The following MAGI2 variants were observed in gnomAD, a reference collection of about 807,000 sequenced individuals.
MAGI2 encodes the protein membrane associated guanylate kinase, WW and PDZ domain containing 2.
In MAGI2, 35 loss-of-function variants were observed where a neutral mutation model predicts 133.3. The observed-to-expected ratio is 0.26, with a 90% confidence interval of 0.20 to 0.35. The LOEUF is 0.35. Ranked by LOEUF, MAGI2 falls within the 10% of genes least tolerant of loss-of-function variation. The pLI is 1.00. For synonymous variants in MAGI2, 729 were observed against 710.6 expected (o/e 1.03, Z -0.41); for missense variants, 1,636 against 1,863.4 (o/e 0.88, Z 2.25).
chr7:78,750,216 C>G (rs1373839104), intron 2 of MAGI2, among the ~76,000 whole-genome samples: 2 of 152,092 alleles, frequency 1.3e-5, no homozygotes, highest in Admixed American at 6.5e-5. Context: ...TGAACTCACC[C>G]TTTTTTACGG....
intron 21 of MAGI2, among the ~76,000 whole-genome samples, chr7:78,036,645 G>T (rs2007536): frequency 1.6e-4 from 24 of 152,122 alleles, no homozygotes; most frequent in African/African-American, 3.6e-4. Context: ...TTAAGACAGG[G>T]TCTTGCTCCG....
At chr7:79,081,127 AG>A (rs1167836368) in intron 1 of MAGI2, among the ~76,000 whole-genome samples, 1 of 152,090 alleles carries the variant, frequency 6.6e-6, no homozygotes, top group Non-Finnish European at 1.5e-5. Flanking sequence ...AGTGTACACA[AG>A]GGCCTTCTCA....
At chr7:79,094,501 T>G (rs1335373979) in intron 1 of MAGI2, among the ~76,000 whole-genome samples, 2 of 152,240 alleles carry the variant, frequency 1.3e-5, no homozygotes, top group African/African-American at 2.4e-5. Flanking sequence ...ATTATGAATG[T>G]TGTTAATAAC....
chr7:79,038,818 T>G (rs1165805854), intron 1 of MAGI2, among the ~76,000 whole-genome samples: 1 of 152,178 alleles, frequency 6.6e-6, no homozygotes, highest in Non-Finnish European at 1.5e-5. Context: ...CTATTCATGT[T>G]GCTGTGTGTG....
chr7:78,568,884 CTCTTT>C (rs1204164272), intron 3 of MAGI2, among the ~76,000 whole-genome samples: 4 of 152,202 alleles, frequency 2.6e-5, no homozygotes, highest in African/African-American at 9.7e-5. Context: ...TTCTGAGTCT[CTCTTT>C]TATTTCCTGC....
chr7:78,427,086 GA>G (rs1375863409), intron 6 of MAGI2, among the ~76,000 whole-genome samples: 1 of 151,974 alleles, frequency 6.6e-6, no homozygotes, highest in Non-Finnish European at 1.5e-5. Context: ...GTAATCTTTA[GA>G]GTAACCACTA....
chr7:78,981,650 A>G (rs1804797727), intron 2 of MAGI2, among the ~76,000 whole-genome samples: 1 of 151,774 alleles, frequency 6.6e-6, no homozygotes, highest in Non-Finnish European at 1.5e-5. Flanking sequence ...GTACCCTTGT[A>G]TAGTTTATAA....
intron 3 of MAGI2, among the ~76,000 whole-genome samples, chr7:78,545,643 G>C (rs1798771695): frequency 6.6e-6 from 1 of 152,062 alleles, no homozygotes; most frequent in African/African-American, 2.4e-5. Flanking sequence ...TGACATTGTT[G>C]GTAGAATACA....
chr7:78,326,602 T>C (rs959955088), intron 9 of MAGI2, among the ~76,000 whole-genome samples: 1 of 152,208 alleles, frequency 6.6e-6, no homozygotes, highest in African/African-American at 2.4e-5. Flanking sequence ...CACTCATTTC[T>C]TCTTCTCTGG....
intron 10 of MAGI2, chr7:78,253,739 A>G (rs1169787105): frequency 1.3e-5 from 2 of 152,196 alleles, no homozygotes; most frequent in Non-Finnish European, 2.9e-5. Flanking sequence ...TTGCTTTAAA[A>G]AAGTTAAACC....
intron 10 of MAGI2, chr7:78,252,437 TG>T (rs1268965439): frequency 2.0e-5 from 3 of 147,996 alleles, no homozygotes; most frequent in Non-Finnish European, 4.4e-5. Context: ...TTTCAACAAA[TG>T]GTGCTAGAAT....
chr7:78,125,829 A>G lies in MAGI2; in HGVS notation c.3432T>C (p.Asp1144=). 1 of 1,614,090 alleles carries G rather than the reference A, an allele frequency of 6.2e-7. No individual in the cohort carries two copies. Among genetic ancestry groups the G allele is most frequent in the South Asian group, 1.1e-5 (1 of 91,046 alleles). ...CTTTCTCCATGTCCACAGTGAAATA[A>G]TCAAAATCCTTTGGGGTTGGGGAGA... The part of the protein sequence containing the change: ...LSDYRQPQDF[D]YFTVDMEKGA... The change falls in exon 20 of 22, where the codon GAT becomes GAC. Residue 1144 remains aspartate, a synonymous_variant. Coordinates refer to ENST00000354212, the MANE Select transcript of MAGI2 (RefSeq NM_012301.4).
chr7:78,624,468 A>G (rs1157697813), intron 3 of MAGI2, among the ~76,000 whole-genome samples: 2 of 152,154 alleles, frequency 1.3e-5, no homozygotes, highest in Non-Finnish European at 2.9e-5. Context: ...ATGCAGCCAT[A>G]AAGAGAAATG....
intron 1 of MAGI2, among the ~76,000 whole-genome samples, chr7:79,357,341 C>T (rs1207123748): frequency 6.6e-6 from 1 of 152,106 alleles, no homozygotes; most frequent in African/African-American, 2.4e-5. Context: ...TTATGCAGGG[C>T]TCACAGCAGA....
At chr7:78,606,105 T>A (rs941439568) in intron 3 of MAGI2, among the ~76,000 whole-genome samples, 3 of 152,192 alleles carry the variant, frequency 2.0e-5, no homozygotes, top group African/African-American at 7.2e-5. Context: ...ACTCCCAGGT[T>A]CCTGGCTTGG....
intron 2 of MAGI2, among the ~76,000 whole-genome samples, chr7:78,806,123 CTTTATAT>C: frequency 6.6e-6 from 1 of 152,212 alleles, no homozygotes; most frequent in Non-Finnish European, 1.5e-5. Context: ...TACACTTTGA[CTTTATAT>C]AAGCAGTATA....
chr7:78,926,876 C>T (rs1022080034), intron 2 of MAGI2, among the ~76,000 whole-genome samples: 1 of 151,340 alleles, frequency 6.6e-6, no homozygotes, highest in Non-Finnish European at 1.5e-5. Flanking sequence ...ACCATTCTGA[C>T]TGTAATTCCT....
intron 6 of MAGI2, among the ~76,000 whole-genome samples, chr7:78,391,936 C>G (rs1261471315): frequency 2.0e-5 from 3 of 152,172 alleles, no homozygotes; most frequent in Non-Finnish European, 4.4e-5. Context: ...AAGAATGAAA[C>G]AGATCAAGTT....
intron 2 of MAGI2, among the ~76,000 whole-genome samples, chr7:78,997,259 A>C (rs1806397229): frequency 6.6e-6 from 1 of 152,140 alleles, no homozygotes; most frequent in Non-Finnish European, 1.5e-5. Flanking sequence ...TTAGAAGAGA[A>C]ACTGGGAAAC....
Sources: allele counts gnomAD v4.1 joint callset (sites outside exome capture counted in the v4.1 genomes callset), GRCh38; gene constraint gnomAD v4.1.1; transcripts MANE v1.5; gene names NCBI Gene and HGNC (gene_info 2026-07-23, HGNC 2026-07-21).